SERINC1: variants seen among roughly 807,000 people sequenced by gnomAD.
SERINC1 encodes serine incorporator 1.
Under a neutral mutation model 52.9 loss-of-function variants are expected in SERINC1, and 38 were observed. The observed-to-expected ratio is 0.72, with a 90% CI of 0.55 to 0.94. SERINC1 has a LOEUF of 0.94. Ranked by LOEUF, SERINC1 falls within the 40% of genes least tolerant of loss-of-function variation. SERINC1 has a pLI of 0.00. For synonymous variants in SERINC1, 198 were observed against 183.1 expected, an observed-to-expected ratio of 1.08 and a Z score of -0.66; for missense variants, 471 against 533.9, an observed-to-expected ratio of 0.88 and a Z score of 1.16.
chr6:122,464,837 C>A (rs892400399), intron 1 of SERINC1, among the ~76,000 whole-genome samples: 1 of 152,148 alleles, frequency 6.6e-6, no homozygotes. Context: ...CAAACTGTAA[C>A]AACTACCAGA....
Position 122,446,836 on chromosome 6 carries a change from G to A in SERINC1, c.1164C>T (p.Phe388=). 1 of 1,614,030 alleles carries A rather than the reference G, an allele frequency of 6.2e-7. No homozygotes were observed. Among genetic ancestry groups the A allele is most frequent in the Middle Eastern group, 1.6e-4 (1 of 6,062 alleles). ...ERDGVTYSYS[F]FHFMLFLASL... ...AAGCCAGGAAAAGCATGAAGTGAAA[G>A]AAGGAATAACTGTAAGTGACACCAT... Residue 388 remains phenylalanine (F), a synonymous_variant, in exon 9 of 10, where the codon TTC becomes TTT. Transcript: ENST00000339697.
rs1007176077 is a variant in SERINC1, at chr6:122,456,456, T to C, written c.371+25A>G. 12 of 1,443,626 alleles carry C rather than the reference T, an allele frequency of 8.3e-6. No individual in the cohort carries two copies. The East Asian group carries it at 1.5e-4, about 18-fold the overall frequency. The allele number at this position is 1,443,626 out of a possible 1,614,324, so 89.4% of individuals were successfully genotyped here. ...CAAGAAGAGGCTACCCAAGCTTTTA[T>C]ATTGAAGCTTATTTAAAAACTTACC... is the stretch of plus-strand genomic sequence containing the variant. On this transcript the variant is annotated intron_variant, in intron 3 of 9. Coordinates refer to ENST00000339697, the MANE Select transcript of SERINC1 (RefSeq NM_020755.4).
chr6:122,471,682 C>T lies in SERINC1; in HGVS notation c.39+17G>A, dbSNP rs1461878868. 6 of 1,613,996 alleles carry T rather than the reference C, an allele frequency of 3.7e-6. No homozygotes were observed. The South Asian group carries it at 5.5e-5, about 15-fold the overall frequency. On this transcript the variant is annotated intron_variant, in intron 1 of 9. Transcript: ENST00000339697. ...TCTCTCACACTAGCACCCCAGAGGC[C>T]GCAAAAAGCACCTTACCCAGCTCGC... is the stretch of plus-strand genomic sequence containing the variant.
At chr6:122,471,380 A>G (rs1475584647) in intron 1 of SERINC1, among the ~76,000 whole-genome samples, 1 of 151,866 alleles carries the variant, frequency 6.6e-6, no homozygotes, top group Non-Finnish European at 1.5e-5. Context: ...CAAAACCACG[A>G]AAAGGGACCT....
intron 9 of SERINC1, among the ~76,000 whole-genome samples, chr6:122,446,331 T>C (rs1442172183): frequency 6.6e-6 from 1 of 152,152 alleles, no homozygotes; most frequent in East Asian, 1.9e-4. Context: ...AATTCTAAGC[T>C]TGTAAAAATT....
At chr6:122,456,130 T>G (rs1489026202) in intron 3 of SERINC1, among the ~76,000 whole-genome samples, 2 of 152,188 alleles carry the variant, frequency 1.3e-5, no homozygotes, top group Non-Finnish European at 2.9e-5. Flanking sequence ...TAGAAAAATC[T>G]GCTCTCTGGG....
At chr6:122,454,890 T>G (rs536963406) in intron 3 of SERINC1, among the ~76,000 whole-genome samples, 11 of 152,360 alleles carry the variant, frequency 7.2e-5, no homozygotes, top group East Asian at 5.8e-4. Context: ...CTCCTTGTTT[T>G]GTCAAAAACA....
rs750118430 is a variant in SERINC1, at chr6:122,456,542, G to A, written c.310C>T (p.Leu104Phe). ...TTCACTTTGATCATTAGTAAAGAGA[G>A]AAGAAGATAGAACATAGCCAAACCA... ...CFGLAMFYLLLSLLMIKVKSS... is the reference protein window; with the variant it reads ...CFGLAMFYLLFSLLMIKVKSS... Residue 104 changes from leucine to phenylalanine, a missense_variant, in exon 3 of 10, where the codon CTC becomes TTC. Coordinates refer to ENST00000339697, the MANE Select transcript of SERINC1 (RefSeq NM_020755.4). The A allele has an allele frequency of 3.7e-6, 6 of 1,612,596 alleles. No individual in the cohort carries two copies. Among genetic ancestry groups the A allele is most frequent in the South Asian group, 2.2e-5 (2 of 90,850 alleles).
At chr6:122,457,346 C>T (rs1775015906) in intron 2 of SERINC1, among the ~76,000 whole-genome samples, 1 of 152,218 alleles carries the variant, frequency 6.6e-6, no homozygotes, top group African/African-American at 2.4e-5. Context: ...GAATGATCTT[C>T]AGCATACGCT....
chr6:122,468,802 G>T (rs779063194), intron 1 of SERINC1, among the ~76,000 whole-genome samples: 1 of 151,926 alleles, frequency 6.6e-6, no homozygotes, highest in Non-Finnish European at 1.5e-5. Context: ...AATTTAGGAG[G>T]TTGGCAAAAA....
intron 2 of SERINC1, 129 bp from the exon 3 acceptor site, chr6:122,456,779 T>G: frequency 1.6e-6 from 1 of 645,024 alleles, no homozygotes; most frequent in Non-Finnish European, 2.5e-6. Flanking sequence ...ATGATGAATA[T>G]GTACTCAAGA....
chr6:122,462,049 C>T (rs1775114778), intron 1 of SERINC1, among the ~76,000 whole-genome samples: 1 of 152,016 alleles, frequency 6.6e-6, no homozygotes, highest in Non-Finnish European at 1.5e-5. Flanking sequence ...TAGAGTTTAG[C>T]CTGGAAAAGC....
rs559213690 is a variant in SERINC1 at position 122,462,823 on chromosome 6, G to T, written c.40-4142C>A. ...TGAAAACTACAAAACATTGGTGAAA[G>T]AAATCAAAGACCTAAATGAATGGCA... On this transcript the variant is annotated intron_variant, in intron 1 of 9. Coordinates refer to ENST00000339697, the MANE Select transcript of SERINC1 (RefSeq NM_020755.4). 2.0e-5 allele frequency among the ~76,000 whole-genome samples: 3 copies of T among 152,262 alleles called. No individual in the cohort carries two copies. In the East Asian group the frequency reaches 5.8e-4, roughly 29 times the overall value.
Position 122,449,672 on chromosome 6 carries a change from G to C in SERINC1, c.850+1992C>G, listed in dbSNP as rs1228283114. ...ATAAGGTGAACCAGTAAGTGCTGAT[G>C]CAGAAGCTACAGCAAGTCATCCTAA... On this transcript the variant is annotated intron_variant, in intron 7 of 9. Coordinates refer to ENST00000339697, the MANE Select transcript of SERINC1 (RefSeq NM_020755.4). Among the ~76,000 whole-genome samples, 4 of 152,186 alleles carry C rather than the reference G, an allele frequency of 2.6e-5. No homozygotes were observed. The East Asian group carries it at 7.7e-4, about 29-fold the overall frequency.
intron 9 of SERINC1, 51 bp downstream of exon 9, chr6:122,446,723 T>A (rs530206275): frequency 8.2e-7 from 1 of 1,226,772 alleles, no homozygotes; most frequent in Non-Finnish European, 1.2e-6. Flanking sequence ...AAGAGAATCA[T>A]AAAATGCCAT....
At chr6:122,455,494 A>G (rs1774978367) in intron 3 of SERINC1, among the ~76,000 whole-genome samples, 1 of 152,064 alleles carries the variant, frequency 6.6e-6, no homozygotes, top group African/African-American at 2.4e-5. Flanking sequence ...TCAGGCTCCA[A>G]GTTCTTCAGT....
intron 8 of SERINC1, 56 bp from the exon 9 acceptor site, chr6:122,447,060 G>T (rs1774819545): frequency 6.3e-7 from 1 of 1,577,596 alleles, no homozygotes; most frequent in Non-Finnish European, 8.7e-7. Flanking sequence ...TAAAAGAAAT[G>T]ATTCATAAAT....
rs755263125 is a variant in SERINC1, at chr6:122,458,693, A to C, written c.40-12T>G. 6.4e-7 allele frequency: 1 copy of C among 1,553,684 alleles called. No homozygotes were observed. Among genetic ancestry groups the C allele is most frequent in the Non-Finnish European group, 8.8e-7 (1 of 1,137,276 alleles). ...CACAAACATGGTATCTGGGAAAAAG[A>C]ATATTATTGAAAATATTATTAAGAA... On this transcript the variant is annotated splice_polypyrimidine_tract_variant and intron_variant, in intron 1 of 9. Transcript: ENST00000339697.
rs968922846 is a variant in SERINC1, at chr6:122,447,352, C to A, written c.851-87G>T. The A allele has an allele frequency of 2.4e-5, 23 of 964,936 alleles. No individual in the cohort carries two copies. In the Admixed American group the frequency reaches 5.3e-4, roughly 22 times the overall value. 59.8% of individuals were successfully genotyped at this position (964,936 alleles called of 1,614,324 possible). On this transcript the variant is annotated intron_variant, in intron 7 of 9. Transcript: ENST00000339697. ...CAAAAGTTATTTTTAACTCTCTATACCCCTGCAAATTGAGAAACAATTGCT... is the reference window on the plus strand; with the variant it reads ...CAAAAGTTATTTTTAACTCTCTATAACCCTGCAAATTGAGAAACAATTGCT...
Sources: gnomAD v4.1 joint callset for allele counts (sites outside exome capture counted in the v4.1 genomes callset) on GRCh38, gnomAD v4.1.1 for gene constraint, MANE v1.5 for transcripts, NCBI Gene and HGNC (gene_info 2026-07-23, HGNC 2026-07-21) for gene names.